Variants in MICAL2 observed in about 807,000 individuals in gnomAD.
MICAL2 encodes the protein microtubule associated monooxygenase, calponin and LIM domain containing 2.
MICAL2 carries 77 observed loss-of-function variants against 127.3 expected under a neutral mutation model. The ratio of observed to expected loss-of-function variants is 0.60; its 90% confidence interval spans 0.50 to 0.73. The LOEUF (loss-of-function observed/expected upper bound fraction) is 0.73, where lower values mean the gene tolerates loss of function less well. Ranked by LOEUF, MICAL2 falls within the 30% of genes least tolerant of loss-of-function variation. The pLI, the probability that MICAL2 is intolerant of heterozygous loss-of-function variation, is 0.00. For missense variants in MICAL2, 1,351 were observed against 1,434.4 expected (o/e 0.94, Z 0.94); for synonymous variants, 570 against 551.1 (o/e 1.03, Z -0.48).
chr11:12,313,064 A>T (rs925452165), intron 29 of MICAL2, among the ~76,000 whole-genome samples: 2 of 147,846 alleles, frequency 1.4e-5, no homozygotes, highest in East Asian at 4.2e-4. Flanking sequence ...GCTACTGGGG[A>T]GGCTGAGGCA....
At chr11:12,205,529 G>A (rs1854571170) in intron 4 of MICAL2, among the ~76,000 whole-genome samples, 1 of 152,178 alleles carries the variant, frequency 6.6e-6, no homozygotes, top group African/African-American at 2.4e-5. Context: ...TATACTCAGG[G>A]ATGATTGTAT....
downstream of MICAL2, among the ~76,000 whole-genome samples, chr11:12,290,440 C>T (rs1863883195): frequency 6.6e-6 from 1 of 151,940 alleles, no homozygotes; most frequent in Admixed American, 6.5e-5. Context: ...GCTGAGGGGA[C>T]TTGAGGCAAG....
intron 9 of MICAL2, 107 bp downstream of exon 9, chr11:12,220,565 C>A: frequency 6.9e-7 from 1 of 1,449,070 alleles, no homozygotes; most frequent in Non-Finnish European, 9.2e-7. Flanking sequence ...GACAGGCTCT[C>A]AGCCAGTTGG....
downstream of MICAL2, chr11:12,293,559 A>G (rs571761533): frequency 1.3e-6 from 2 of 1,598,070 alleles, no homozygotes; most frequent in South Asian, 2.3e-5. Flanking sequence ...CATCCCATCT[A>G]GATGACAGCT....
At chr11:12,240,292 G>A (rs1859711679) in intron 17 of MICAL2, among the ~76,000 whole-genome samples, 1 of 152,196 alleles carries the variant, frequency 6.6e-6, no homozygotes, top group Non-Finnish European at 1.5e-5. Flanking sequence ...GGTTCCGTTT[G>A]CTCCCCTGAA....
intron 2 of MICAL2, among the ~76,000 whole-genome samples, chr11:12,155,851 A>T (rs76508201): frequency 7.9e-5 from 12 of 152,298 alleles, no homozygotes; most frequent in African/African-American, 2.9e-4. Context: ...ACTGGTCAGC[A>T]TACAGATGTT....
chr11:12,259,323 GTA>G (rs1353997527), intron 25 of MICAL2, among the ~76,000 whole-genome samples: 1 of 152,106 alleles, frequency 6.6e-6, no homozygotes, highest in African/African-American at 2.4e-5. Context: ...TTCACTAACT[GTA>G]TATCAAGAAT....
intron 29 of MICAL2, among the ~76,000 whole-genome samples, chr11:12,306,809 G>T (rs773317020): frequency 7.9e-5 from 12 of 152,070 alleles, no homozygotes; most frequent in Non-Finnish European, 1.8e-4. Context: ...CCTTTTTATT[G>T]CTAGTAGAAT....
chr11:12,214,089 G>A (rs1235559341), intron 7 of MICAL2, among the ~76,000 whole-genome samples: 1 of 152,124 alleles, frequency 6.6e-6, no homozygotes, highest in African/African-American at 2.4e-5. Flanking sequence ...TATATTCTAC[G>A]AGAATAGACA....
chr11:12,236,451 C>A (rs942236693), intron 16 of MICAL2, among the ~76,000 whole-genome samples: 1 of 152,218 alleles, frequency 6.6e-6, no homozygotes, highest in Non-Finnish European at 1.5e-5. Context: ...GAAACACAAC[C>A]TCCCAGGATG....
intron 18 of MICAL2, 22 bp from the exon 19 acceptor site, chr11:12,242,192 C>T (rs1288601460): frequency 1.9e-6 from 3 of 1,579,126 alleles, no homozygotes; most frequent in South Asian, 1.1e-5. Flanking sequence ...GGGAAGGAAG[C>T]TTAATTTTCC....
At chr11:12,140,511 T>C (rs1245935764) in intron 2 of MICAL2, among the ~76,000 whole-genome samples, 2 of 151,900 alleles carry the variant, frequency 1.3e-5, no homozygotes, top group African/African-American at 4.8e-5. Flanking sequence ...TTTTTTTTTT[T>C]TTTTGGCCAC....
At chr11:12,214,982 TGGAG>T (rs977400289) in intron 7 of MICAL2, among the ~76,000 whole-genome samples, 15 of 152,370 alleles carry the variant, frequency 9.8e-5, no homozygotes, top group Non-Finnish European at 1.9e-4. Flanking sequence ...CTCACTGGCC[TGGAG>T]GGTATGTGCT....
chr11:12,274,143 G>A (rs1387031472), upstream of MICAL2, among the ~76,000 whole-genome samples: 4 of 152,182 alleles, frequency 2.6e-5, no homozygotes, highest in Non-Finnish European at 4.4e-5. Flanking sequence ...GAATGACACT[G>A]TGGAGAGGGA....
chr11:12,236,895 C>T (rs1426244984), intron 16 of MICAL2, among the ~76,000 whole-genome samples: 3 of 152,184 alleles, frequency 2.0e-5, no homozygotes, highest in Admixed American at 6.5e-5. Context: ...ATATTGTCAG[C>T]GAAGTGTGGG....
At chr11:12,251,845 C>T (rs1285151997) in intron 22 of MICAL2, among the ~76,000 whole-genome samples, 1 of 152,166 alleles carries the variant, frequency 6.6e-6, no homozygotes, top group Non-Finnish European at 1.5e-5. Context: ...GTCACGGTTG[C>T]TCAGAAGCTC....
chr11:12,165,842 G>C (rs951939145), intron 3 of MICAL2, among the ~76,000 whole-genome samples: 2 of 152,230 alleles, frequency 1.3e-5, no homozygotes, highest in Admixed American at 6.5e-5. Context: ...TAGAGCAGTG[G>C]CTCAGGTGCC....
intron 3 of MICAL2, among the ~76,000 whole-genome samples, chr11:12,202,467 T>C (rs1033687569): frequency 1.6e-4 from 25 of 152,200 alleles, no homozygotes; most frequent in African/African-American, 6.0e-4. Flanking sequence ...AGATTTGTTG[T>C]GAGGATTAAG....
chr11:12,227,589 C>T (rs1857642938), intron 15 of MICAL2, among the ~76,000 whole-genome samples: 1 of 152,118 alleles, frequency 6.6e-6, no homozygotes, highest in South Asian at 2.1e-4. Context: ...TTGGGCTCTC[C>T]TATAGGTCAA....
Sources: gnomAD v4.1 joint callset for allele counts (sites outside exome capture counted in the v4.1 genomes callset) on GRCh38, gnomAD v4.1.1 for gene constraint, MANE v1.5 for transcripts, NCBI Gene and HGNC (gene_info 2026-07-23, HGNC 2026-07-21) for gene names.